The following TMEM132B variants were observed in gnomAD, a reference collection of about 807,000 sequenced individuals.
The protein encoded by TMEM132B is transmembrane protein 132B.
In TMEM132B, 18 loss-of-function variants were observed where a neutral mutation model predicts 90.8. The ratio of observed to expected loss-of-function variants is 0.20; its 90% CI spans 0.14 to 0.29. TMEM132B has a LOEUF of 0.29. Ranked by LOEUF, TMEM132B falls within the 10% of genes least tolerant of loss-of-function variation. The probability of loss-of-function intolerance (pLI) is 1.00; values close to 1 mark genes in which losing one functional copy is unlikely to be tolerated. For synonymous variants in TMEM132B, 504 were observed against 523.3 expected (o/e 0.96, Z 0.50); for missense variants, 1,096 against 1,326.8 (o/e 0.83, Z 2.70).
chr12:125,523,577 C>T (rs968366316), intron 4 of TMEM132B, among the ~76,000 whole-genome samples: 5 of 152,196 alleles, frequency 3.3e-5, no homozygotes, highest in Non-Finnish European at 7.3e-5. Context: ...GGGATTAGGA[C>T]GTGGACATCT....
At position 125,493,907 on chromosome 12, in the gene TMEM132B, C is replaced by CCCT. The variant is rs1882426817; in HGVS notation, c.1107-25520_1107-25518dup. Among the ~76,000 whole-genome samples, 3 of 131,774 alleles carry CCCT rather than the reference C, an allele frequency of 2.3e-5. No homozygotes were observed. In the South Asian group the frequency reaches 8.4e-4, roughly 37 times the overall value. 86.4% of individuals were successfully genotyped at this position (131,774 alleles called of 152,430 possible). ...CCCTCCTCCCTGGAAATGGCCATGT[C>CCCT]CCTCCTCCTCCTCCCTGGAAATGGC... is the stretch of plus-strand genomic sequence containing the variant. On this transcript the variant is annotated intron_variant, in intron 3 of 8. Coordinates refer to ENST00000682704, the MANE Select transcript of TMEM132B (RefSeq NM_001366854.1).
chr12:125,478,479 C>T (rs1881950383), intron 3 of TMEM132B, among the ~76,000 whole-genome samples: 1 of 152,126 alleles, frequency 6.6e-6, no homozygotes, highest in East Asian at 1.9e-4. Flanking sequence ...GCACAAGCTT[C>T]AGTAGCTGAT....
At chr12:125,584,866 C>T in intron 5 of TMEM132B, 1 of 152,310 alleles carries the variant, frequency 6.6e-6, no homozygotes, top group South Asian at 2.1e-4. Context: ...CTGATCCTTC[C>T]TCCTTTAAAT....
At chr12:125,211,520 C>T (rs901012462) in intron 1 of TMEM132B, among the ~76,000 whole-genome samples, 1 of 152,190 alleles carries the variant, frequency 6.6e-6, no homozygotes, top group African/African-American at 2.4e-5. Context: ...GTTTTCTGCA[C>T]CATCTCCAGG....
chr12:125,202,823 A>C (rs1224643221), intron 1 of TMEM132B, among the ~76,000 whole-genome samples: 2 of 152,164 alleles, frequency 1.3e-5, no homozygotes, highest in African/African-American at 4.8e-5. Context: ...CCTGGAGTGC[A>C]GGGGGAGTGA....
Position 125,380,839 on chromosome 12 carries a change from A to G in TMEM132B, c.959+30496A>G, listed in dbSNP as rs114598587. 9.4e-3 allele frequency among the ~76,000 whole-genome samples: 1,426 copies of G among 152,234 alleles called. 29 individuals carry two copies. Among genetic ancestry groups the G allele is most frequent in the African/African-American group, 0.032 (1,344 of 41,552 alleles). ...TTCCATTGTCCTTTGTGTGACCCTG[A>G]TCCCTGGTTCTGAAAACATTACTTC... On this transcript the variant is annotated intron_variant, in intron 2 of 8. Transcript: ENST00000682704.
chr12:125,551,204 A>G (rs540128248), intron 4 of TMEM132B, among the ~76,000 whole-genome samples: 29 of 152,356 alleles, frequency 1.9e-4, no homozygotes, highest in African/African-American at 6.3e-4. Flanking sequence ...TTTTCGGTAT[A>G]TATTTTTCAT....
At chr12:125,279,106 C>G (rs985535208) in intron 1 of TMEM132B, among the ~76,000 whole-genome samples, 1 of 152,180 alleles carries the variant, frequency 6.6e-6, no homozygotes, top group Admixed American at 6.5e-5. Context: ...ATACCTTTGC[C>G]ATCCCTGGAT....
At chr12:125,301,034 T>C (rs1055316598) in intron 1 of TMEM132B, 18 of 152,134 alleles carry the variant, frequency 1.2e-4, no homozygotes, top group Admixed American at 6.5e-5. Flanking sequence ...TATGTATATA[T>C]ATATATGTAT....
intron 4 of TMEM132B, among the ~76,000 whole-genome samples, chr12:125,532,177 T>C (rs2136698759): frequency 6.6e-6 from 1 of 152,350 alleles, no homozygotes; most frequent in Admixed American, 6.5e-5. Context: ...TTTGCTGATG[T>C]ATAATTTCTG....
At position 125,570,903 on chromosome 12, in the gene TMEM132B, G is replaced by A. The variant is rs146384347; in HGVS notation, c.1294-12948G>A. ...AGGTGGCCAGGCCTTGGGGTTGTGG[G>A]CCAGAACCTCACAGGCTGGAAGAGC... On this transcript the variant is annotated intron_variant, in intron 4 of 8. Transcript: ENST00000682704. 5.2e-4 allele frequency among the ~76,000 whole-genome samples: 79 copies of A among 152,256 alleles called. No individual in the cohort carries two copies. In the East Asian group the frequency reaches 0.014, roughly 27 times the overall value.
At chr12:125,578,340 A>G (rs377442600) in intron 4 of TMEM132B, among the ~76,000 whole-genome samples, 2 of 152,236 alleles carry the variant, frequency 1.3e-5, no homozygotes, top group East Asian at 3.9e-4. Context: ...GACTCATTTT[A>G]TACAACATTC....
rs1017493370 is a variant in TMEM132B at position 125,492,551 on chromosome 12, G to A, written c.1107-26888G>A. Among the ~76,000 whole-genome samples, 24 of 152,124 alleles carry A rather than the reference G, an allele frequency of 1.6e-4. No homozygotes were observed. The highest frequency in any genetic ancestry group is 9.2e-4 in the Admixed American group (14 of 15,284). Reference sequence around the variant, plus strand: ...TCCCAGCCAGCTTCCTGCACAGGGCGGACAGGAGCCAGGACTCCTGGAGGC... The same window carrying A: ...TCCCAGCCAGCTTCCTGCACAGGGCAGACAGGAGCCAGGACTCCTGGAGGC... On this transcript the variant is annotated intron_variant, in intron 3 of 8. Transcript: ENST00000682704. This position sits in a 1 kb window ranked among gnomAD's most constrained non-coding sequence, Gnocchi z 5.8.
intron 3 of TMEM132B, among the ~76,000 whole-genome samples, chr12:125,505,838 T>G (rs1882833398): frequency 6.6e-6 from 1 of 152,150 alleles, no homozygotes; most frequent in South Asian, 2.1e-4. Flanking sequence ...CAATGTTAAT[T>G]AAAAGGGCCT....
chr12:125,350,152 A>T lies in TMEM132B; in HGVS notation c.768A>T (p.Gln256His). 6.2e-7 allele frequency: 1 copy of T among 1,614,220 alleles called. No homozygotes were observed. The highest frequency in any genetic ancestry group is 1.1e-5 in the South Asian group (1 of 91,074). The change falls in exon 2 of 9, where the codon CAA becomes CAT. Residue 256 changes from glutamine to histidine, a missense_variant. By Grantham distance (24) the Gln-to-His change is conservative. Coordinates refer to ENST00000682704, the MANE Select transcript of TMEM132B (RefSeq NM_001366854.1). The stretch of plus-strand genomic sequence containing the variant: ...ACTCGGGCCTGGAGAGCCCCCAGCA[A>T]GCGTTTCCAGCCCGAGAGAGGATTG... ...NIHSGLESPQ[Q>H]AFPARERIGS...
rs545475863 is a variant in TMEM132B at position 125,626,519 on chromosome 12, T to TA, written c.1438-17550dup. Among the ~76,000 whole-genome samples the TA allele has an allele frequency of 4.2e-3, 632 of 152,278 alleles. 3 individuals are homozygous for TA. Among genetic ancestry groups the TA allele is most frequent in the Non-Finnish European group, 7.6e-3 (515 of 68,008 alleles). On this transcript the variant is annotated intron_variant, in intron 5 of 8. Coordinates refer to ENST00000682704, the MANE Select transcript of TMEM132B (RefSeq NM_001366854.1). ...TTAGCAATTATCTTAAGCTTTTGTC[T>TA]AAAAAAATTATTTCACCTTCATTTT...
At chr12:125,574,712 G>T (rs756191989) in intron 4 of TMEM132B, among the ~76,000 whole-genome samples, 5 of 151,956 alleles carry the variant, frequency 3.3e-5, no homozygotes, top group South Asian at 2.1e-4. Context: ...GGGTCAAAAA[G>T]GGTGTTGAAG....
At chr12:125,267,942 C>G (rs1440306072) in intron 1 of TMEM132B, among the ~76,000 whole-genome samples, 1 of 152,118 alleles carries the variant, frequency 6.6e-6, no homozygotes, top group African/African-American at 2.4e-5. Context: ...GTGCTCTCTA[C>G]TCTAAAGGCT....
intron 1 of TMEM132B, among the ~76,000 whole-genome samples, chr12:125,296,863 C>G (rs2136154614): frequency 6.6e-6 from 1 of 152,356 alleles, no homozygotes; most frequent in Non-Finnish European, 1.5e-5. Context: ...GCAAAAGGAG[C>G]CGGGGAAAGC....
Sources: gnomAD v4.1 joint callset for allele counts (sites outside exome capture counted in the v4.1 genomes callset) on GRCh38, gnomAD v4.1.1 for gene constraint, Gnocchi (gnomAD v3.1) non-coding constraint, MANE v1.5 for transcripts, NCBI Gene and HGNC (gene_info 2026-07-23, HGNC 2026-07-21) for gene names.